TWSG1: variants seen among roughly 807,000 people sequenced by gnomAD.
TWSG1 encodes twisted gastrulation BMP signaling modulator 1.
A neutral mutation model predicts 23.0 loss-of-function variants in TWSG1; 15 were observed. That is an observed-to-expected ratio of 0.65 (90% confidence interval 0.44 to 1.00). The LOEUF (loss-of-function observed/expected upper bound fraction) is 1.00, where lower values mean the gene tolerates loss of function less well. Among genes scored for constraint, TWSG1 ranks in the 50% least tolerant of loss-of-function variants. TWSG1 has a pLI of 0.00. For missense variants in TWSG1, 242 were observed against 278.7 expected, an observed-to-expected ratio of 0.87 and a Z score of 0.94; for synonymous variants, 86 against 92.8, an observed-to-expected ratio of 0.93 and a Z score of 0.42.
rs189722751 is a variant in TWSG1 at position 9,379,843 on chromosome 18, A to G, written c.224-16437A>G. On this transcript the variant is annotated intron_variant, in intron 3 of 4. Transcript: ENST00000262120. ...GCGTTGAATCTATAGATCAATTTGT[A>G]GAGAATTGAAGTTTTAATATTGATT... Among the ~76,000 whole-genome samples the G allele has an allele frequency of 4.5e-4, 69 of 152,336 alleles. 2 individuals are homozygous for G. In the East Asian group the frequency reaches 7.1e-3, roughly 16 times the overall value.
intron 2 of TWSG1, among the ~76,000 whole-genome samples, chr18:9,354,155 A>G (rs1281773724): frequency 6.6e-6 from 1 of 152,236 alleles, no homozygotes. Flanking sequence ...ATACCTAACC[A>G]TAACTGGGGT....
At chr18:9,340,104 C>G (rs1340262501) in intron 2 of TWSG1, among the ~76,000 whole-genome samples, 1 of 151,892 alleles carries the variant, frequency 6.6e-6, no homozygotes, top group Non-Finnish European at 1.5e-5. Flanking sequence ...CGCGGTGGCT[C>G]AAGCCTGTAA....
chr18:9,398,004 CAAAAA>C (rs573745689), intron 4 of TWSG1, among the ~76,000 whole-genome samples: 866 of 84,716 alleles, frequency 0.01, 1 homozygote, highest in South Asian at 0.027. Context: ...AACTCCATCT[CAAAAA>C]AAAAAAAAAA....
At chr18:9,365,977 G>A (rs908150914) in intron 3 of TWSG1, among the ~76,000 whole-genome samples, 1 of 152,210 alleles carries the variant, frequency 6.6e-6, no homozygotes, top group African/African-American at 2.4e-5. Context: ...CTGCACTCCA[G>A]CCTGGGTGAC....
chr18:9,383,188 T>G (rs1383747412), intron 3 of TWSG1, among the ~76,000 whole-genome samples: 2 of 59,746 alleles, frequency 3.3e-5, no homozygotes, highest in South Asian at 6.8e-4. Context: ...TACACGTTTT[T>G]TTTTTGTTTT....
intron 2 of TWSG1, among the ~76,000 whole-genome samples, chr18:9,340,203 C>G (rs929230739): frequency 1.3e-5 from 2 of 151,654 alleles, no homozygotes; most frequent in Non-Finnish European, 2.9e-5. Flanking sequence ...CCCGTCTCTA[C>G]TAAAAATACG....
chr18:9,379,943 A>G (rs943841723), intron 3 of TWSG1, among the ~76,000 whole-genome samples: 3 of 152,210 alleles, frequency 2.0e-5, no homozygotes, highest in African/African-American at 7.2e-5. Context: ...GGAGTGAATT[A>G]GTTGTAGACT....
Position 9,400,823 on chromosome 18 carries a change from A to C in TWSG1, c.*1296A>C, listed in dbSNP as rs1423869350. On this transcript the variant is annotated 3_prime_UTR_variant, in exon 5 of 5. Transcript: ENST00000262120. ...TACTATGTGCCCTTCATAGTAATAA[A>C]ATCTCAATCTTAAAGCATGAATCTA... 2 of 152,218 alleles carry C rather than the reference A, an allele frequency of 1.3e-5. No individual in the cohort carries two copies. The allele number at this position is 152,218 out of a possible 1,614,324, so 9.4% of individuals were successfully genotyped here.
intron 2 of TWSG1, among the ~76,000 whole-genome samples, chr18:9,353,137 A>G (rs1475394017): frequency 1.3e-5 from 2 of 152,220 alleles, no homozygotes; most frequent in Non-Finnish European, 2.9e-5. Flanking sequence ...CATACCATAT[A>G]GCCTAGGGTT....
intron 3 of TWSG1, among the ~76,000 whole-genome samples, chr18:9,377,055 C>A (rs2040633678): frequency 6.6e-6 from 1 of 151,944 alleles, no homozygotes; most frequent in Non-Finnish European, 1.5e-5. Context: ...AAAACTATAC[C>A]ACTTTATATA....
rs1361118827 is a variant in TWSG1 at position 9,401,402 on chromosome 18, G to C, written c.*1875G>C. 8.1e-6 allele frequency: 1 copy of C among 124,136 alleles called. No homozygotes were observed. The highest frequency in any genetic ancestry group is 7.7e-5 in the Admixed American group (1 of 13,006). The allele number at this position is 124,136 out of a possible 1,614,324, so 7.7% of individuals were successfully genotyped here. On this transcript the variant is annotated 3_prime_UTR_variant, in exon 5 of 5. Coordinates refer to ENST00000262120, the MANE Select transcript of TWSG1 (RefSeq NM_020648.6). Reference sequence around the variant, plus strand: ...TGGAGTGATGTTTGTGTGTGTGTTGGCAACATGCCTAATGTTTTCTTAATG... The same window carrying C: ...TGGAGTGATGTTTGTGTGTGTGTTGCCAACATGCCTAATGTTTTCTTAATG...
chr18:9,391,626 C>T (rs1046346296), intron 3 of TWSG1, among the ~76,000 whole-genome samples: 9 of 152,184 alleles, frequency 5.9e-5, no homozygotes, highest in Non-Finnish European at 7.3e-5. Context: ...TTAGTAATCA[C>T]AGATCACCAT....
At chr18:9,357,842 G>A (rs996749784) in intron 2 of TWSG1, among the ~76,000 whole-genome samples, 1 of 25,970 alleles carries the variant, frequency 3.9e-5, no homozygotes, top group Non-Finnish European at 1.6e-4. Flanking sequence ...AGCAGGGAAG[G>A]GGGGGGATGG....
chr18:9,385,793 T>G (rs1295931435), intron 3 of TWSG1, among the ~76,000 whole-genome samples: 1 of 152,144 alleles, frequency 6.6e-6, no homozygotes, highest in African/African-American at 2.4e-5. Flanking sequence ...AAAAACTGAT[T>G]GTTATCTTTT....
chr18:9,374,886 G>A (rs2040621747), intron 3 of TWSG1, among the ~76,000 whole-genome samples: 3 of 152,188 alleles, frequency 2.0e-5, no homozygotes, highest in Admixed American at 2.0e-4. Context: ...ATGTGGGCTG[G>A]GTGTGGTGCG....
chr18:9,338,626 C>T (rs1392522507), intron 2 of TWSG1, among the ~76,000 whole-genome samples: 2 of 152,194 alleles, frequency 1.3e-5, no homozygotes, highest in African/African-American at 4.8e-5. Flanking sequence ...ATTCTTTAAT[C>T]ACCTAATTTT....
intron 4 of TWSG1, among the ~76,000 whole-genome samples, 179 bp from the exon 5 acceptor site, chr18:9,399,167 C>G (rs2040751282): frequency 6.6e-6 from 1 of 152,192 alleles, no homozygotes; most frequent in African/African-American, 2.4e-5. Flanking sequence ...AATCTGACTT[C>G]CTTCTCAACA....
At chr18:9,383,280 G>A (rs1313984010) in intron 3 of TWSG1, among the ~76,000 whole-genome samples, 2 of 144,702 alleles carry the variant, frequency 1.4e-5, no homozygotes, top group African/African-American at 5.1e-5. Context: ...TGCAGACTCC[G>A]CCTCCCAGGT....
chr18:9,382,247 G>C (rs1052756058), intron 3 of TWSG1, among the ~76,000 whole-genome samples: 1 of 152,254 alleles, frequency 6.6e-6, no homozygotes, highest in East Asian at 1.9e-4. Flanking sequence ...ATGGTGGCTG[G>C]GAGTGGTGGC....
Sources: allele counts gnomAD v4.1 joint callset (sites outside exome capture counted in the v4.1 genomes callset), GRCh38; gene constraint gnomAD v4.1.1; transcripts MANE v1.5; gene names NCBI Gene and HGNC (gene_info 2026-07-23, HGNC 2026-07-21).